ZNF20: variants seen among roughly 807,000 people sequenced by gnomAD.
ZNF20 encodes the protein zinc finger protein KOX13.
A neutral mutation model predicts 11.0 loss-of-function variants in ZNF20; 9 were observed. That is an observed-to-expected ratio of 0.82 (90% CI 0.49 to 1.43). The LOEUF is 1.43. Among genes scored for constraint, ZNF20 ranks in the 40% most tolerant of loss-of-function variants. ZNF20 has a pLI of 0.00. For missense variants in ZNF20, 528 were observed against 640.8 expected (o/e 0.82, Z 1.90); for synonymous variants, 182 against 213.0 (o/e 0.85, Z 1.27).
Position 12,133,651 on chromosome 19 carries a change from T to C in ZNF20, c.535A>G (p.Thr179Ala), listed in dbSNP as rs753247649. Residue 179 changes from threonine (T) to alanine (A), a missense_variant, in exon 4 of 4, where the codon ACC becomes GCC. Transcript: ENST00000334213. ...KPYDGKECTETFISHSCIQRH... is the reference protein window; with the variant it reads ...KPYDGKECTEAFISHSCIQRH... ...TGAATGCATGAATGGGAAATGAAGG[T>C]TTCTGTACATTCTTTACCATCATAG... The C allele has an allele frequency of 2.0e-5, 32 of 1,614,026 alleles. No homozygotes were observed. The highest frequency in any genetic ancestry group is 2.2e-5 in the Non-Finnish European group (26 of 1,180,032).
In ZNF20 at chr19:12,140,189, G is replaced by A; in HGVS notation, c.-7C>T. 6.2e-7 allele frequency: 1 copy of A among 1,603,862 alleles called. No homozygotes were observed. Among genetic ancestry groups the A allele is most frequent in the Non-Finnish European group, 8.5e-7 (1 of 1,175,024 alleles). On this transcript the variant is annotated 5_prime_UTR_variant, in exon 1 of 4. Transcript: ENST00000334213. Reference sequence around the variant, plus strand: ...GGCCCCATACACTCACCATTTCCCGGCTTCTGGGTGTCCCGGTGTCCTCTC... The same window carrying A: ...GGCCCCATACACTCACCATTTCCCGACTTCTGGGTGTCCCGGTGTCCTCTC...
chr19:12,133,123 G>T lies in ZNF20; in HGVS notation c.1063C>A (p.Gln355Lys). The change falls in exon 4 of 4, where the codon CAA (glutamine) becomes AAA (lysine). Residue 355 changes from glutamine to lysine, a missense_variant. Physicochemically the swap from Gln to Lys is moderately conservative, Grantham distance 53. Transcript: ENST00000334213. Reference protein sequence around the residue: ...GKAFRCTSDLQRHEKTHTEDK... With the variant: ...GKAFRCTSDLKRHEKTHTEDK... The stretch of plus-strand genomic sequence containing the variant: ...TCAGTGTGTGTCTTTTCATGCCTTT[G>T]AAGGTCCGAGGTACATCTGAAGGCT... 1 of 1,613,538 alleles carries T rather than the reference G, an allele frequency of 6.2e-7. No individual in the cohort carries two copies. Among genetic ancestry groups the T allele is most frequent in the African/African-American group, 1.3e-5 (1 of 74,810 alleles).
In ZNF20 at chr19:12,138,009, G is replaced by A. The variant is rs1303603190; in HGVS notation, c.4-2105C>T. ...CACACCCTGCCTCAGGCTATCCTCT[G>A]GGAGGACTGACACAGGGGCTGATAT... On this transcript the variant is annotated intron_variant, in intron 1 of 3. Transcript: ENST00000334213. Among the ~76,000 whole-genome samples the A allele has an allele frequency of 2.0e-5, 3 of 152,170 alleles. No homozygotes were observed. In the East Asian group the frequency reaches 5.8e-4, roughly 29 times the overall value.
At position 12,131,482 on chromosome 19, in the gene ZNF20, T is replaced by C. The variant is rs1170126856; in HGVS notation, c.*1105A>G. On this transcript the variant is annotated 3_prime_UTR_variant, in exon 4 of 4. Transcript: ENST00000334213. ...TTGACGACACTTATGCCACTGGTGG[T>C]CTTTGGTCAGAAGTCACTCATAAGA... The C allele has an allele frequency of 1.3e-5, 2 of 152,286 alleles. No homozygotes were observed. Among genetic ancestry groups the C allele is most frequent in the South Asian group, 4.1e-4 (2 of 4,820 alleles). The allele number at this position is 152,286 out of a possible 1,614,324, so 9.4% of individuals were successfully genotyped here.
rs1297607240 is a variant in ZNF20 at position 12,135,868 on chromosome 19, C to T, written c.40G>A (p.Val14Ile). The T allele has an allele frequency of 4.3e-6, 7 of 1,614,132 alleles. No homozygotes were observed. The highest frequency in any genetic ancestry group is 5.9e-6 in the Non-Finnish European group (7 of 1,180,012). The change falls in exon 2 of 4, where the codon GTC becomes ATC. Residue 14 changes from valine to isoleucine, a missense_variant. Physicochemically the swap from Val to Ile is conservative, Grantham distance 29. Transcript: ENST00000334213. Reference sequence around the variant, plus strand: ...GCCCACTCCTCCTGGGTGAAGCTGACAGCCACATCCTCAAAGGCCACTGAA... The same window carrying T: ...GCCCACTCCTCCTGGGTGAAGCTGATAGCCACATCCTCAAAGGCCACTGAA... Reference protein sequence around the residue: ...QDSVAFEDVAVSFTQEEWALL... With the variant: ...QDSVAFEDVAISFTQEEWALL...
In ZNF20 at chr19:12,132,016, G is replaced by C. The variant is rs1976630277; in HGVS notation, c.*571C>G. On this transcript the variant is annotated 3_prime_UTR_variant, in exon 4 of 4. Coordinates refer to ENST00000334213, the MANE Select transcript of ZNF20 (RefSeq NM_021143.4). ...GCTCCCATCTAGTTGGTTTAATCAA[G>C]AACAGGCTCGCTAATCCGTAGAAAC... 1 of 153,194 alleles carries C rather than the reference G, an allele frequency of 6.5e-6. No homozygotes were observed. Among genetic ancestry groups the C allele is most frequent in the South Asian group, 2.1e-4 (1 of 4,864 alleles). The allele number at this position is 153,194 out of a possible 1,614,324, so 9.5% of individuals were successfully genotyped here.
chr19:12,135,121 CTTCTTT>C (rs920418652), intron 3 of ZNF20, among the ~76,000 whole-genome samples: 2 of 150,168 alleles, frequency 1.3e-5, no homozygotes, highest in African/African-American at 5.0e-5. Context: ...ATTTCTTTTG[CTTCTTT>C]TTAACATTTT....
At position 12,139,539 on chromosome 19, in the gene ZNF20, T is replaced by A. The variant is rs1976765729; in HGVS notation, c.3+641A>T. Among the ~76,000 whole-genome samples, 1 of 152,108 alleles carries A rather than the reference T, an allele frequency of 6.6e-6. No homozygotes were observed. The highest frequency in any genetic ancestry group is 2.4e-5 in the African/African-American group (1 of 41,412). On this transcript the variant is annotated intron_variant, in intron 1 of 3. Transcript: ENST00000334213. The surrounding 1 kb of genome is among the most constrained non-coding windows in gnomAD (Gnocchi z 4.0). ...GTTTGCTCAAACTCTTTAAATTTTTTTTTTTTTTTGAGATGGAATCTCGCT... is the reference window on the plus strand; with the variant it reads ...GTTTGCTCAAACTCTTTAAATTTTTATTTTTTTTTGAGATGGAATCTCGCT...
chr19:12,136,690 AAAAAT>A (rs903649180), intron 1 of ZNF20, among the ~76,000 whole-genome samples: 17 of 152,304 alleles, frequency 1.1e-4, no homozygotes, highest in African/African-American at 2.2e-4. Context: ...TCCGTCTCGA[AAAAAT>A]AAAATAAAAT....
Position 12,133,795 on chromosome 19 carries a change from TGTGTCCA to T in ZNF20, c.384_390del (p.Gly129SerfsTer61). The T allele has an allele frequency of 6.2e-7, 1 of 1,614,208 alleles. No homozygotes were observed. The highest frequency in any genetic ancestry group is 8.5e-7 in the Non-Finnish European group (1 of 1,180,030). On this transcript the variant is annotated frameshift_variant, in exon 4 of 4. Transcript: ENST00000334213. LOFTEE classifies it low-confidence loss of function (END_TRUNC). ...CCATATTCCTGATACTCAGATGACT[TGTGTCCA>T]GTGTCAGCTCTGATATGCGTATTAA...
At position 12,135,904 on chromosome 19, in the gene ZNF20, T is replaced by A. The variant is rs777721366; in HGVS notation, c.4A>T (p.Met2Leu). ...TCAAAGGCCACTGAATCCTGAAACA[T>A]CTCACATATATAAAAGAGGACAGGT... is the stretch of plus-strand genomic sequence containing the variant. M[M>L]FQDSVAFEDV... The change falls in exon 2 of 4, where the codon ATG (methionine) becomes TTG (leucine). Residue 2 changes from methionine to leucine, a missense_variant and splice_region_variant. By Grantham distance (15) the Met-to-Leu change is conservative. Transcript: ENST00000334213. The A allele has an allele frequency of 6.2e-7, 1 of 1,613,798 alleles. No individual in the cohort carries two copies. The highest frequency in any genetic ancestry group is 8.5e-7 in the Non-Finnish European group (1 of 1,179,938).
In ZNF20 at chr19:12,139,140, A is replaced by G. The variant is rs1211315079; in HGVS notation, c.3+1040T>C. Among the ~76,000 whole-genome samples, 3 of 152,236 alleles carry G rather than the reference A, an allele frequency of 2.0e-5. No homozygotes were observed. The highest frequency in any genetic ancestry group is 4.8e-5 in the African/African-American group (2 of 41,460). On this transcript the variant is annotated intron_variant, in intron 1 of 3. Transcript: ENST00000334213. This position sits in a 1 kb window ranked among gnomAD's most constrained non-coding sequence, Gnocchi z 4.0. ...TCTGGACGCAGGGAACATAAGGCCT[A>G]TTCAAACTTCAGCTATGAAAGGAAA...
At position 12,133,291 on chromosome 19, in the gene ZNF20, G is replaced by A; in HGVS notation, c.895C>T (p.Gln299Ter). Reference sequence around the variant, plus strand: ...CCAGTGTGAGTCATCTTATGATACTGAATGGAACTGAAAGAAATGAAGACT... The same window carrying A: ...CCAGTGTGAGTCATCTTATGATACTAAATGGAACTGAAAGAAATGAAGACT... Reference protein sequence around the residue: ...GKVFISFSSIQYHKMTHTGEK... With the variant: ...GKVFISFSSI The change falls in exon 4 of 4, where the codon CAG (glutamine) becomes TAG (stop). Residue 299 changes from glutamine (Q) to a stop codon, truncating the protein, a stop_gained. Transcript: ENST00000334213. LOFTEE classifies it low-confidence loss of function (END_TRUNC). 1.2e-6 allele frequency: 2 copies of A among 1,614,200 alleles called. No homozygotes were observed. The highest frequency in any genetic ancestry group is 1.1e-5 in the South Asian group (1 of 91,084).
At position 12,132,586 on chromosome 19, in the gene ZNF20, C is replaced by T. The variant is rs1568382140; in HGVS notation, c.*1G>A. On this transcript the variant is annotated 3_prime_UTR_variant, in exon 4 of 4. Transcript: ENST00000334213. ...CCCGTTGCTTCCACTAAAAGGATTT[C>T]TCATCTATTAATGGTATGAGTTCTT... 2 of 1,563,182 alleles carry T rather than the reference C, an allele frequency of 1.3e-6. No homozygotes were observed. The highest frequency in any genetic ancestry group is 1.7e-6 in the Non-Finnish European group (2 of 1,158,728).
Position 12,133,488 on chromosome 19 carries a change from C to A in ZNF20, c.698G>T (p.Gly233Val), listed in dbSNP as rs369377902. 3.7e-6 allele frequency: 6 copies of A among 1,614,084 alleles called. No individual in the cohort carries two copies. In the African/African-American group the frequency reaches 8.0e-5, roughly 22 times the overall value. ...GVKPYKCKQC[G>V]KAFTRSTTLP... The stretch of plus-strand genomic sequence containing the variant: ...GGTAGTGGAACGAGTAAAGGCCTTA[C>A]CACATTGTTTACACTTATATGGTTT... Residue 233 changes from glycine (G) to valine (V), a missense_variant, in exon 4 of 4, where the codon GGT (glycine) becomes GTT (valine). Gly to Val is a moderately radical substitution (Grantham distance 109). Coordinates refer to ENST00000334213, the MANE Select transcript of ZNF20 (RefSeq NM_021143.4).
At position 12,133,501 on chromosome 19, in the gene ZNF20, A is replaced by C. The variant is rs1006744227; in HGVS notation, c.685T>G (p.Cys229Gly). ...RIHTGVKPYK[C>G]KQCGKAFTRS... ...GTAAAGGCCTTACCACATTGTTTAC[A>C]CTTATATGGTTTCACACCAGTGTGA... Residue 229 changes from cysteine (C) to glycine (G), a missense_variant, in exon 4 of 4, where the codon TGT becomes GGT. Coordinates refer to ENST00000334213, the MANE Select transcript of ZNF20 (RefSeq NM_021143.4). 2 of 1,614,108 alleles carry C rather than the reference A, an allele frequency of 1.2e-6. No homozygotes were observed. Among genetic ancestry groups the C allele is most frequent in the African/African-American group, 2.7e-5 (2 of 74,948 alleles).
At chr19:12,136,853 GA>G in intron 1 of ZNF20, 1 of 448,296 alleles carries the variant, frequency 2.2e-6, no homozygotes, top group Non-Finnish European at 4.5e-6. Context: ...TCACTTACCA[GA>G]AGGAACAGGG....
Position 12,133,139 on chromosome 19 carries a change from T to C in ZNF20, c.1047A>G (p.Arg349=), listed in dbSNP as rs1188746714. The change falls in exon 4 of 4, where the codon AGA becomes AGG. Residue 349 remains arginine, a synonymous_variant. Transcript: ENST00000334213. ...YECRQCGKAF[R]CTSDLQRHEK... ...CATGCCTTTGAAGGTCCGAGGTACA[T>C]CTGAAGGCTTTACCACATTGCCTAC... The C allele has an allele frequency of 7.4e-6, 12 of 1,611,498 alleles. No homozygotes were observed. The highest frequency in any genetic ancestry group is 1.0e-5 in the Non-Finnish European group (12 of 1,179,230).
rs1976781767 is a variant in ZNF20 at position 12,140,297 on chromosome 19, A to G, written c.-115T>C. 1 of 1,384,458 alleles carries G rather than the reference A, an allele frequency of 7.2e-7. No homozygotes were observed. Among genetic ancestry groups the G allele is most frequent in the African/African-American group, 1.4e-5 (1 of 69,692 alleles). 85.8% of individuals were successfully genotyped at this position (1,384,458 alleles called of 1,614,324 possible). On this transcript the variant is annotated 5_prime_UTR_variant, in exon 1 of 4. Transcript: ENST00000334213. ...GGCAGAGGGACCCGGGGCCTCTCGG[A>G]GTAGGAAATCTGGTATCCCGACAAC...
Sources: allele counts gnomAD v4.1 joint callset (sites outside exome capture counted in the v4.1 genomes callset), GRCh38; gene constraint gnomAD v4.1.1; non-coding constraint Gnocchi (gnomAD v3.1); transcripts MANE v1.5; gene names NCBI Gene and HGNC (gene_info 2026-07-23, HGNC 2026-07-21).